Variants in PTP4A1 observed in about 807,000 individuals in gnomAD.
The protein encoded by PTP4A1 is protein tyrosine phosphatase type IVA 1.
Under a neutral mutation model 20.5 loss-of-function variants are expected in PTP4A1, and 9 were observed. The observed-to-expected ratio is 0.44, with a 90% CI of 0.26 to 0.77. PTP4A1 has a LOEUF of 0.77. PTP4A1 is among the 30% of genes least tolerant of loss of function. The pLI is 0.19. For synonymous variants in PTP4A1, 78 were observed against 67.4 expected (o/e 1.16, Z -0.77); for missense variants, 137 against 218.8 (o/e 0.63, Z 2.36).
upstream of PTP4A1, chr6:63,571,383 G>A (rs769037674): frequency 1.3e-5 from 2 of 152,168 alleles, no homozygotes; most frequent in Non-Finnish European, 2.9e-5. Context: ...TTAAAAAGCA[G>A]GTAAAGGTCC....
chr6:63,571,823 T>C (rs545522925), upstream of PTP4A1: 6 of 152,390 alleles, frequency 3.9e-5, no homozygotes, highest in South Asian at 1.0e-3. Context: ...CCATCTTCTA[T>C]AGCCTTAAGT....
chr6:63,520,832 T>C (rs1163057312), upstream of PTP4A1, among the ~76,000 whole-genome samples: 1 of 152,158 alleles, frequency 6.6e-6, no homozygotes, highest in Non-Finnish European at 1.5e-5. Flanking sequence ...GATCATTTAT[T>C]AGACCATGTG....
chr6:63,580,425 A>AC lies in PTP4A1; in HGVS notation c.*253dup. ...ATGTGCTTGTCATTTGTATCAATTG[A>AC]CCTTTCCCCAAATCATGCAGTATTG... On this transcript the variant is annotated 3_prime_UTR_variant, in exon 6 of 6. Transcript: ENST00000626021. 1 of 401,480 alleles carries AC rather than the reference A, an allele frequency of 2.5e-6. No homozygotes were observed. Among genetic ancestry groups the AC allele is most frequent in the Non-Finnish European group, 4.6e-6 (1 of 218,464 alleles). 24.9% of individuals were successfully genotyped at this position (401,480 alleles called of 1,614,324 possible). A position where few individuals can be genotyped will look rare whatever the true frequency, so the allele number is the denominator to read the frequency against.
At chr6:63,572,857 GC>G (rs1333188370) in intron 1 of PTP4A1, 138 bp downstream of exon 1, 1 of 394,102 alleles carries the variant, frequency 2.5e-6, no homozygotes, top group Non-Finnish European at 4.5e-6. Context: ...CCGGGTGGGA[GC>G]GGGCGGGTTA....
In PTP4A1 at chr6:63,580,283, G is replaced by A. The variant is rs1778145567; in HGVS notation, c.*109G>A. 4.5e-6 allele frequency: 4 copies of A among 883,892 alleles called. No homozygotes were observed. The highest frequency in any genetic ancestry group is 7.1e-6 in the Non-Finnish European group (4 of 562,966). 54.8% of individuals were successfully genotyped at this position (883,892 alleles called of 1,614,324 possible). On this transcript the variant is annotated 3_prime_UTR_variant, in exon 6 of 6. Transcript: ENST00000626021. ...TAAGTCTAATGAAGCTTCCATAGGA[G>A]TATTGAAAGGCAGTTTTACCAGGCC... is the stretch of plus-strand genomic sequence containing the variant.
intron 3 of PTP4A1, among the ~76,000 whole-genome samples, chr6:63,553,680 TG>T (rs1167375307): frequency 1.3e-5 from 2 of 152,138 alleles, no homozygotes; most frequent in African/African-American, 4.8e-5. Context: ...CTGATTAGGT[TG>T]GGGGAATTGG....
At chr6:63,541,000 C>CA (rs1288618187) in intron 2 of PTP4A1, among the ~76,000 whole-genome samples, 13 of 121,478 alleles carry the variant, frequency 1.1e-4, no homozygotes, top group South Asian at 2.6e-4. Context: ...AAGACTCTGT[C>CA]AAAAAAAAGG....
At chr6:63,567,024 G>A (rs756928419) in intron 3 of PTP4A1, among the ~76,000 whole-genome samples, 2 of 152,178 alleles carry the variant, frequency 1.3e-5, no homozygotes, top group African/African-American at 2.4e-5. Context: ...AAATTGCAGC[G>A]ATTTAGTCAA....
At chr6:63,570,912 T>C (rs926500135), upstream of PTP4A1, 1 of 152,248 alleles carries the variant, frequency 6.6e-6, no homozygotes, top group Admixed American at 6.5e-5. Flanking sequence ...TCCCTTTTTT[T>C]CGACATGAGT....
At chr6:63,579,982 G>A in intron 5 of PTP4A1, 75 bp from the exon 6 acceptor site, 1 of 1,067,542 alleles carries the variant, frequency 9.4e-7, no homozygotes, top group South Asian at 1.4e-5. Flanking sequence ...GAGAGGTGAT[G>A]GTTGTCTATA....
At chr6:63,553,581 T>C (rs1412595102) in intron 3 of PTP4A1, among the ~76,000 whole-genome samples, 1 of 152,240 alleles carries the variant, frequency 6.6e-6, no homozygotes, top group Non-Finnish European at 1.5e-5. Flanking sequence ...TGCCTGGACA[T>C]TAGCACATAT....
At chr6:63,544,681 T>C (rs1776112386) in intron 2 of PTP4A1, among the ~76,000 whole-genome samples, 1 of 152,194 alleles carries the variant, frequency 6.6e-6, no homozygotes, top group South Asian at 2.1e-4. Flanking sequence ...AAGCCAATTA[T>C]ACCAAGAATG....
chr6:63,561,892 C>T (rs891303951), intron 3 of PTP4A1, among the ~76,000 whole-genome samples: 7 of 152,156 alleles, frequency 4.6e-5, no homozygotes, highest in African/African-American at 1.7e-4. Flanking sequence ...TAACCTGGTG[C>T]TTCTATCTCT....
In PTP4A1 at chr6:63,576,773, T is replaced by G. The variant is rs1348989483; in HGVS notation, c.-108T>G. 16 of 831,592 alleles carry G rather than the reference T, an allele frequency of 1.9e-5. No homozygotes were observed. The highest frequency in any genetic ancestry group is 3.0e-5 in the Non-Finnish European group (16 of 526,610). 51.5% of individuals were successfully genotyped at this position (831,592 alleles called of 1,614,324 possible). A position where few individuals can be genotyped will look rare whatever the true frequency, so the allele number is the denominator to read the frequency against. ...AACTTCATACTCAAAGCACTGAGAA[T>G]TTCAAGTGGAGTATATTGAAGTAGA... On this transcript the variant is annotated 5_prime_UTR_variant, in exon 2 of 6. Coordinates refer to ENST00000626021, the MANE Select transcript of PTP4A1 (RefSeq NM_003463.5).
At chr6:63,573,587 G>T (rs988573649) in intron 1 of PTP4A1, 1 of 152,298 alleles carries the variant, frequency 6.6e-6, no homozygotes, top group Non-Finnish European at 1.5e-5. Flanking sequence ...CTGCACCCCT[G>T]CCCGGGCCAG....
At position 63,582,786 on chromosome 6, in the gene PTP4A1, G is replaced by A. The variant is rs1333972643; in HGVS notation, c.*2612G>A. The A allele has an allele frequency of 6.6e-6, 1 of 152,186 alleles. No homozygotes were observed. Among genetic ancestry groups the A allele is most frequent in the Admixed American group, 6.5e-5 (1 of 15,274 alleles). The allele number at this position is 152,186 out of a possible 1,614,324, so 9.4% of individuals were successfully genotyped here. ...AGTAGGTGCCATTGGTCATTCTGCA[G>A]TGCACTGCAACCATTGTTTCCCCTA... On this transcript the variant is annotated 3_prime_UTR_variant, in exon 6 of 6. Coordinates refer to ENST00000626021, the MANE Select transcript of PTP4A1 (RefSeq NM_003463.5).
intron 2 of PTP4A1, among the ~76,000 whole-genome samples, chr6:63,533,176 G>T (rs974561404): frequency 1.3e-5 from 2 of 152,196 alleles, no homozygotes; most frequent in Admixed American, 6.5e-5. Context: ...GAGGTCACGA[G>T]TTCAATACAA....
chr6:63,543,583 T>G (rs1049421221), intron 2 of PTP4A1, among the ~76,000 whole-genome samples: 1 of 152,202 alleles, frequency 6.6e-6, no homozygotes, highest in African/African-American at 2.4e-5. Context: ...GTGTTGATGA[T>G]TGAATGTGAG....
chr6:63,555,842 T>C (rs916412807), intron 3 of PTP4A1, among the ~76,000 whole-genome samples: 1 of 151,942 alleles, frequency 6.6e-6, no homozygotes, highest in African/African-American at 2.4e-5. Context: ...TACAGGTGTG[T>C]ACCAGAATAC....
Sources: allele counts gnomAD v4.1 joint callset (sites outside exome capture counted in the v4.1 genomes callset), GRCh38; gene constraint gnomAD v4.1.1; transcripts MANE v1.5; gene names NCBI Gene and HGNC (gene_info 2026-07-23, HGNC 2026-07-21).